Variants in SIMC1 observed in about 807,000 individuals in gnomAD.
SIMC1 encodes the protein SUMO interacting motifs containing 1.
SIMC1 carries 55 observed loss-of-function variants against 82.3 expected under a neutral mutation model. That is an observed-to-expected ratio of 0.67 (90% CI 0.54 to 0.84). The LOEUF is 0.84. Ranked by LOEUF, SIMC1 falls within the 40% of genes least tolerant of loss-of-function variation. The pLI is 0.00. For synonymous variants in SIMC1, 353 were observed against 426.3 expected, an observed-to-expected ratio of 0.83 and a Z score of 2.12; for missense variants, 915 against 1,107.2, an observed-to-expected ratio of 0.83 and a Z score of 2.46.
chr5:176,283,604 A>C (rs1230870033), intron 1 of SIMC1, among the ~76,000 whole-genome samples: 1 of 152,244 alleles, frequency 6.6e-6, no homozygotes, highest in Non-Finnish European at 1.5e-5. Flanking sequence ...GACTAGGAAG[A>C]AACTGCATCA....
chr5:176,263,165 T>C (rs940408261), intron 1 of SIMC1, among the ~76,000 whole-genome samples: 58 of 152,252 alleles, frequency 3.8e-4, no homozygotes, highest in Non-Finnish European at 7.5e-4. Flanking sequence ...AAACATTTCA[T>C]GTTTGTGAAT....
At chr5:176,337,772 G>C (rs1765969907) in intron 9 of SIMC1, among the ~76,000 whole-genome samples, 1 of 152,220 alleles carries the variant, frequency 6.6e-6, no homozygotes, top group African/African-American at 2.4e-5. Context: ...TCAGGAGCAA[G>C]GTGAACATGT....
At chr5:176,258,184 G>T (rs1231990099) in intron 1 of SIMC1, among the ~76,000 whole-genome samples, 2 of 152,162 alleles carry the variant, frequency 1.3e-5, no homozygotes, top group Non-Finnish European at 2.9e-5. Flanking sequence ...GTTATGTAGG[G>T]TTAAACATAT....
At chr5:176,303,592 T>A (rs1005924865) in intron 4 of SIMC1, among the ~76,000 whole-genome samples, 2 of 152,224 alleles carry the variant, frequency 1.3e-5, no homozygotes, top group African/African-American at 2.4e-5. Context: ...AGTGCTGGGA[T>A]TACAGGCGTG....
At position 176,252,950 on chromosome 5, in the gene SIMC1, C is replaced by G. The variant is rs867429637; in HGVS notation, c.129+14313C>G. The stretch of plus-strand genomic sequence containing the variant: ...GTTAGGAGCTGGAGACCAGCCTGGC[C>G]CACGCTGCGAAACCCTGTCTCCACC... On this transcript the variant is annotated intron_variant, in intron 1 of 9. Coordinates refer to ENST00000429602, the MANE Select transcript of SIMC1 (RefSeq NM_001308195.2). Among the ~76,000 whole-genome samples, 95 of 152,312 alleles carry G rather than the reference C, an allele frequency of 6.2e-4. No individual in the cohort carries two copies. In the Middle Eastern group the frequency reaches 0.01, roughly 16 times the overall value.
rs762648950 is a variant in SIMC1, at chr5:176,295,248, C to G, written c.1650C>G (p.Leu550=). 2.1e-5 allele frequency: 34 copies of G among 1,612,448 alleles called. No individual in the cohort carries two copies. The highest frequency in any genetic ancestry group is 6.7e-5 in the Admixed American group (4 of 59,716). The change falls in exon 3 of 10, where the codon CTC becomes CTG. Residue 550 remains leucine, a synonymous_variant. Transcript: ENST00000429602. ...TCCTAAAGGAGGCCTACATGCTTCTCATGAAAATTCAACAGTATGAACCGT... is the reference window on the plus strand; with the variant it reads ...TCCTAAAGGAGGCCTACATGCTTCTGATGAAAATTCAACAGTATGAACCGT... ...VDVLKEAYML[L]MKIQQLHPAN...
chr5:176,342,541 A>G (rs1348677033), intron 9 of SIMC1, among the ~76,000 whole-genome samples: 1 of 152,192 alleles, frequency 6.6e-6, no homozygotes, highest in African/African-American at 2.4e-5. Context: ...GGGAAGTCCA[A>G]GGTCGAGGGG....
At chr5:176,336,322 A>G (rs1427326485) in intron 7 of SIMC1, among the ~76,000 whole-genome samples, 1 of 152,082 alleles carries the variant, frequency 6.6e-6, no homozygotes, top group Non-Finnish European at 1.5e-5. Flanking sequence ...TTCCTTTTGC[A>G]TACCCCTTGC....
At chr5:176,274,045 G>T (rs546484622) in intron 1 of SIMC1, among the ~76,000 whole-genome samples, 1 of 148,608 alleles carries the variant, frequency 6.7e-6, no homozygotes, top group East Asian at 2.0e-4. Context: ...GGGTCAAATG[G>T]TATTTCTAGT....
chr5:176,287,427 A>G (rs1184266001), intron 1 of SIMC1, among the ~76,000 whole-genome samples: 1 of 152,164 alleles, frequency 6.6e-6, no homozygotes, highest in Non-Finnish European at 1.5e-5. Flanking sequence ...GGAATTGAAC[A>G]ATGAGAACAC....
chr5:176,294,819 GC>G (rs944418755), intron 2 of SIMC1: 2 of 508,358 alleles, frequency 3.9e-6, no homozygotes, highest in African/African-American at 3.9e-5. Flanking sequence ...AAGAAAATTA[GC>G]CGGGCGTGGT....
intron 1 of SIMC1, among the ~76,000 whole-genome samples, chr5:176,271,084 G>T (rs1046688323): frequency 1.3e-5 from 2 of 152,174 alleles, no homozygotes; most frequent in Non-Finnish European, 2.9e-5. Context: ...AGTAAAGAGG[G>T]GCCAGGCATG....
intron 7 of SIMC1, among the ~76,000 whole-genome samples, chr5:176,326,167 C>T (rs188855260): frequency 1.4e-3 from 210 of 152,300 alleles, no homozygotes; most frequent in African/African-American, 4.7e-3. Flanking sequence ...TGCATCTCCA[C>T]CAGCTCCATG....
intron 1 of SIMC1, among the ~76,000 whole-genome samples, chr5:176,266,650 CAAG>C (rs1408187191): frequency 2.8e-5 from 3 of 108,420 alleles, no homozygotes; most frequent in South Asian, 3.4e-4. Flanking sequence ...GACTCATACT[CAAG>C]GAGGGGGAAA....
At chr5:176,281,425 A>G (rs1291821372) in intron 1 of SIMC1, among the ~76,000 whole-genome samples, 1 of 151,942 alleles carries the variant, frequency 6.6e-6, no homozygotes, top group Admixed American at 6.6e-5. Context: ...TCTTCTCTCA[A>G]CTCGTCAAAG....
chr5:176,260,500 A>T (rs1230447675), intron 1 of SIMC1, among the ~76,000 whole-genome samples: 1 of 152,204 alleles, frequency 6.6e-6, no homozygotes, highest in Non-Finnish European at 1.5e-5. Context: ...AACCAAATTT[A>T]GCCAGTCTCT....
chr5:176,331,466 C>A (rs13187654), intron 7 of SIMC1, among the ~76,000 whole-genome samples: 79,398 of 150,494 alleles, frequency 0.53, 21,128 homozygotes, highest in Non-Finnish European at 0.57. Flanking sequence ...CAGGTGCCCC[C>A]ACCATGCCCT....
At chr5:176,319,139 T>A (rs886342670) in intron 5 of SIMC1, among the ~76,000 whole-genome samples, 2 of 152,092 alleles carry the variant, frequency 1.3e-5, no homozygotes, top group Non-Finnish European at 2.9e-5. Context: ...TAAGCTATTT[T>A]GATTACTGAT....
chr5:176,331,038 A>G (rs964390289), intron 7 of SIMC1, among the ~76,000 whole-genome samples: 4 of 152,186 alleles, frequency 2.6e-5, no homozygotes, highest in African/African-American at 4.8e-5. Flanking sequence ...ACCTTCATCC[A>G]TTCATGGGAA....
Sources: gnomAD v4.1 joint callset for allele counts (sites outside exome capture counted in the v4.1 genomes callset) on GRCh38, gnomAD v4.1.1 for gene constraint, MANE v1.5 for transcripts, NCBI Gene and HGNC (gene_info 2026-07-23, HGNC 2026-07-21) for gene names.